Variants in LIPA observed in about 807,000 individuals in gnomAD.
LIPA encodes the protein lysosomal acid lipase/cholesteryl ester hydrolase.
A neutral mutation model predicts 40.6 loss-of-function variants in LIPA; 26 were observed. The observed-to-expected ratio is 0.64, with a 90% CI of 0.47 to 0.89. The LOEUF is 0.89. LIPA is among the 40% of genes least tolerant of loss of function. The pLI is 0.00. For missense variants in LIPA, 455 were observed against 479.6 expected (o/e 0.95, Z 0.48); for synonymous variants, 188 against 168.4 (o/e 1.12, Z -0.90).
chr10:89,306,591 A>G (rs375598427), intron 1 of LIPA: 39 of 1,613,976 alleles, frequency 2.4e-5, no homozygotes, highest in Non-Finnish European at 3.2e-5. Context: ...CAGTACCTTA[A>G]AGTCCTCCTG....
chr10:89,340,197 CA>C, intron 1 of LIPA: 1 of 1,481,704 alleles, frequency 6.7e-7, no homozygotes, highest in East Asian at 2.3e-5. Context: ...GATAGGAAGA[CA>C]GGGGGCCCCA....
intron 7 of LIPA, among the ~76,000 whole-genome samples, 186 bp from the exon 8 acceptor site, chr10:89,222,768 A>G (rs1309656346): frequency 6.6e-6 from 1 of 152,226 alleles, no homozygotes; most frequent in African/African-American, 2.4e-5. Context: ...AACCACATAC[A>G]AAGTCCATAT....
chr10:89,226,500 A>ATAAC (rs1214230524), intron 5 of LIPA, among the ~76,000 whole-genome samples: 3 of 152,252 alleles, frequency 2.0e-5, no homozygotes, highest in African/African-American at 7.2e-5. Context: ...TAAAATGCAT[A>ATAAC]TAACTTTTCA....
intron 1 of LIPA, among the ~76,000 whole-genome samples, chr10:89,318,926 A>G (rs1349456362): frequency 1.3e-5 from 2 of 152,222 alleles, no homozygotes; most frequent in Non-Finnish European, 2.9e-5. Flanking sequence ...AAACTGCTCA[A>G]CTACATGGAA....
chr10:89,254,942 C>A (rs1350289209), upstream of LIPA, among the ~76,000 whole-genome samples: 1 of 152,196 alleles, frequency 6.6e-6, no homozygotes, highest in African/African-American at 2.4e-5. Flanking sequence ...CCATCTGAGA[C>A]CACCTCAGCC....
intron 1 of LIPA, chr10:89,307,252 T>A (rs776135611): frequency 6.2e-7 from 1 of 1,614,070 alleles, no homozygotes; most frequent in Non-Finnish European, 8.5e-7. Context: ...ATTCTGAGGC[T>A]TTGCATGTCT....
intron 2 of LIPA, among the ~76,000 whole-genome samples, chr10:89,382,735 T>C (rs1418438469): frequency 6.6e-6 from 1 of 152,234 alleles, no homozygotes; most frequent in East Asian, 1.9e-4. Context: ...CCATTTAGGA[T>C]TGGTTGAGTA....
chr10:89,301,868 A>C (rs1351690832), intron 1 of LIPA: 3 of 391,290 alleles, frequency 7.7e-6, no homozygotes, highest in African/African-American at 4.1e-5. Context: ...TCTGATCACA[A>C]CTCAGCTCCG....
intron 2 of LIPA, among the ~76,000 whole-genome samples, chr10:89,363,807 G>T (rs1280449362): frequency 6.6e-6 from 1 of 151,526 alleles, no homozygotes; most frequent in East Asian, 1.9e-4. Flanking sequence ...GGGGGGGCGG[G>T]TGTGGCTAAA....
At chr10:89,322,165 A>C (rs1392802171) in intron 1 of LIPA, among the ~76,000 whole-genome samples, 1 of 152,220 alleles carries the variant, frequency 6.6e-6, no homozygotes, top group African/African-American at 2.4e-5. Flanking sequence ...ACAAGTATAC[A>C]TATGTAACAA....
chr10:89,232,097 A>G (rs763339291), intron 3 of LIPA, among the ~76,000 whole-genome samples: 32 of 152,340 alleles, frequency 2.1e-4, no homozygotes, highest in Non-Finnish European at 4.0e-4. Context: ...AGTGACAATT[A>G]TAATTACCAA....
intron 2 of LIPA, among the ~76,000 whole-genome samples, chr10:89,369,477 G>A (rs1017505518): frequency 1.3e-5 from 2 of 149,116 alleles, no homozygotes; most frequent in African/African-American, 2.5e-5. Context: ...GCCAAGAAGC[G>A]GTCTCTCTCC....
intron 2 of LIPA, among the ~76,000 whole-genome samples, chr10:89,389,957 T>C (rs1844233802): frequency 6.8e-6 from 1 of 147,830 alleles, no homozygotes; most frequent in South Asian, 2.1e-4. Flanking sequence ...TACATCAAAA[T>C]CACCTGAAGA....
intron 1 of LIPA, among the ~76,000 whole-genome samples, chr10:89,260,177 T>C (rs983279572): frequency 1.3e-5 from 2 of 152,106 alleles, no homozygotes; most frequent in Non-Finnish European, 2.9e-5. Context: ...CCAACAGAGG[T>C]GTTTTCCGTT....
At chr10:89,351,298 A>G (rs1426981063) in intron 2 of LIPA, among the ~76,000 whole-genome samples, 1 of 152,248 alleles carries the variant, frequency 6.6e-6, no homozygotes, top group Non-Finnish European at 1.5e-5. Context: ...CCTGGGCAAC[A>G]GAGCAGAAAC....
chr10:89,368,276 C>T (rs944792256), intron 2 of LIPA, among the ~76,000 whole-genome samples: 15 of 152,326 alleles, frequency 9.8e-5, no homozygotes, highest in Non-Finnish European at 2.1e-4. Flanking sequence ...CCCAGTGATC[C>T]TATTGTAAAC....
intron 1 of LIPA, among the ~76,000 whole-genome samples, chr10:89,329,148 G>A (rs182319558): frequency 8.7e-4 from 133 of 152,208 alleles, no homozygotes; most frequent in African/African-American, 3.0e-3. Flanking sequence ...TGCCAGGGAG[G>A]GAAGACCCCA....
At chr10:89,283,171 C>T (rs1387337049) in intron 1 of LIPA, among the ~76,000 whole-genome samples, 3 of 152,232 alleles carry the variant, frequency 2.0e-5, no homozygotes, top group Non-Finnish European at 4.4e-5. Flanking sequence ...CTGTGCCACT[C>T]ACAGTTTTGG....
intron 1 of LIPA, among the ~76,000 whole-genome samples, chr10:89,279,826 G>T (rs12221046): frequency 0.19 from 29,470 of 151,976 alleles, 3,914 homozygotes; most frequent in East Asian, 0.67. Context: ...CACCATTTTG[G>T]ACAAAAAATG....
Sources: gnomAD v4.1 joint callset for allele counts (sites outside exome capture counted in the v4.1 genomes callset) on GRCh38, gnomAD v4.1.1 for gene constraint, MANE v1.5 for transcripts, NCBI Gene and HGNC (gene_info 2026-07-23, HGNC 2026-07-21) for gene names.